Variants in SULT1B1 observed in about 807,000 individuals in gnomAD.
SULT1B1 encodes sulfotransferase 1B1.
In SULT1B1, 28 loss-of-function variants were observed where a neutral mutation model predicts 34.6. That is an observed-to-expected ratio of 0.81 (90% confidence interval 0.60 to 1.11). The LOEUF (loss-of-function observed/expected upper bound fraction) is 1.11, where lower values mean the gene tolerates loss of function less well. Ranked by LOEUF, SULT1B1 falls within the 50% of genes least tolerant of loss-of-function variation. The probability of loss-of-function intolerance (pLI) is 0.00; values close to 1 mark genes in which losing one functional copy is unlikely to be tolerated. For missense variants in SULT1B1, 374 were observed against 352.2 expected, an observed-to-expected ratio of 1.06 and a Z score of -0.50; for synonymous variants, 147 against 110.2, an observed-to-expected ratio of 1.33 and a Z score of -2.09.
intron 6 of SULT1B1, among the ~76,000 whole-genome samples, chr4:69,731,787 A>T (rs1424874783): frequency 6.6e-6 from 1 of 152,228 alleles, no homozygotes; most frequent in South Asian, 2.1e-4. Flanking sequence ...AACCGGTTAG[A>T]CTATAAATCA....
At chr4:69,741,264 G>A (rs1718539589) in intron 4 of SULT1B1, among the ~76,000 whole-genome samples, 1 of 152,178 alleles carries the variant, frequency 6.6e-6, no homozygotes, top group Non-Finnish European at 1.5e-5. Flanking sequence ...TTTTGTACCA[G>A]TACCATGCTG....
At chr4:69,744,552 C>A (rs759774320) in intron 4 of SULT1B1, among the ~76,000 whole-genome samples, 3 of 152,214 alleles carry the variant, frequency 2.0e-5, no homozygotes, top group Non-Finnish European at 2.9e-5. Flanking sequence ...GCAGTCTCTG[C>A]AGGTTCCTTG....
intron 4 of SULT1B1, among the ~76,000 whole-genome samples, chr4:69,747,209 G>A (rs1718784382): frequency 1.3e-5 from 2 of 152,224 alleles, no homozygotes; most frequent in South Asian, 4.1e-4. Flanking sequence ...AGGCACTTAT[G>A]TAGCGATGGA....
chr4:69,748,035 C>T (rs2110027896), intron 4 of SULT1B1, among the ~76,000 whole-genome samples: 1 of 152,138 alleles, frequency 6.6e-6, no homozygotes, highest in Non-Finnish European at 1.5e-5. Flanking sequence ...TTGGCTCTAT[C>T]CCATAACTAC....
intron 4 of SULT1B1, among the ~76,000 whole-genome samples, chr4:69,739,697 C>A (rs982377168): frequency 3.3e-5 from 5 of 152,212 alleles, no homozygotes; most frequent in African/African-American, 7.2e-5. Flanking sequence ...ATGCAAATTT[C>A]TGCAGTCAAC....
In SULT1B1 at chr4:69,725,630, A is replaced by G. The variant is rs1717803562; in HGVS notation, c.*1458T>C. ...AGACTTGGAACCAACCCAAATGTCC[A>G]TCAATGATAGACTGGATTAAGAAAA... is the stretch of plus-strand genomic sequence containing the variant. On this transcript the variant is annotated 3_prime_UTR_variant, in exon 8 of 8. Transcript: ENST00000310613. 6.6e-6 allele frequency: 1 copy of G among 152,202 alleles called. No homozygotes were observed. The highest frequency in any genetic ancestry group is 6.5e-5 in the Admixed American group (1 of 15,274). 9.4% of individuals were successfully genotyped at this position (152,202 alleles called of 1,614,324 possible).
chr4:69,728,407 A>G (rs1377088192), intron 7 of SULT1B1, among the ~76,000 whole-genome samples: 2 of 152,068 alleles, frequency 1.3e-5, no homozygotes, highest in Non-Finnish European at 2.9e-5. Flanking sequence ...CTAATATGGC[A>G]TCTTTCAAGA....
intron 4 of SULT1B1, among the ~76,000 whole-genome samples, chr4:69,737,348 G>A (rs1027894704): frequency 6.6e-6 from 1 of 151,958 alleles, no homozygotes; most frequent in Non-Finnish European, 1.5e-5. Flanking sequence ...AATAGCTAAG[G>A]GAAGTTCTCC....
chr4:69,727,322 A>G (rs1453072289), intron 7 of SULT1B1, 122 bp from the exon 8 acceptor site: 1 of 600,460 alleles, frequency 1.7e-6, no homozygotes, highest in Non-Finnish European at 2.6e-6. Context: ...GAATGAATTC[A>G]AACAGTCTTT....
chr4:69,747,144 G>A (rs376712123), intron 4 of SULT1B1, among the ~76,000 whole-genome samples: 5 of 152,264 alleles, frequency 3.3e-5, no homozygotes, highest in African/African-American at 9.6e-5. Flanking sequence ...GTGCTTCAGC[G>A]GAGCATTGGA....
intron 4 of SULT1B1, among the ~76,000 whole-genome samples, chr4:69,734,652 A>T (rs866512025): frequency 6.6e-6 from 1 of 152,204 alleles, no homozygotes; most frequent in South Asian, 2.1e-4. Flanking sequence ...TGGGAAAAAA[A>T]TAAAAGTTTT....
chr4:69,736,941 G>C (rs1451311660), intron 4 of SULT1B1, among the ~76,000 whole-genome samples: 1 of 151,806 alleles, frequency 6.6e-6, no homozygotes, highest in Non-Finnish European at 1.5e-5. Flanking sequence ...ACAGTATTTG[G>C]AGAATTGGTG....
In SULT1B1 at chr4:69,721,657, C is replaced by A. The variant is rs1717671388; in HGVS notation, c.*5431G>T. On this transcript the variant is annotated 3_prime_UTR_variant, in exon 8 of 8. Coordinates refer to ENST00000310613, the MANE Select transcript of SULT1B1 (RefSeq NM_014465.4). ...GATAGAAAATAATTTAGGAAGATAA[C>A]ACAATAGAATAGGGTGGATTGAAAG... 1 of 151,986 alleles carries A rather than the reference C, an allele frequency of 6.6e-6. No individual in the cohort carries two copies. Among genetic ancestry groups the A allele is most frequent in the African/African-American group, 2.4e-5 (1 of 41,402 alleles). 9.4% of individuals were successfully genotyped at this position (151,986 alleles called of 1,614,324 possible).
chr4:69,726,081 T>A lies in SULT1B1; in HGVS notation c.*1007A>T, dbSNP rs1357544912. 3.8e-5 allele frequency: 4 copies of A among 105,516 alleles called. No homozygotes were observed. The highest frequency in any genetic ancestry group is 2.9e-4 in the East Asian group (1 of 3,506). 6.5% of individuals were successfully genotyped at this position (105,516 alleles called of 1,614,324 possible). A position where few individuals can be genotyped will look rare whatever the true frequency, so the allele number is the denominator to read the frequency against. On this transcript the variant is annotated 3_prime_UTR_variant, in exon 8 of 8. Coordinates refer to ENST00000310613, the MANE Select transcript of SULT1B1 (RefSeq NM_014465.4). ...ATATATATATATATATATATATATA[T>A]AAATGTTCCAAGAAAACATAGATCA...
chr4:69,759,424 G>A (rs1447419227), intron 1 of SULT1B1, among the ~76,000 whole-genome samples: 1 of 152,194 alleles, frequency 6.6e-6, no homozygotes, highest in Non-Finnish European at 1.5e-5. Flanking sequence ...TGACAAAAAG[G>A]TCAGGCACTT....
intron 5 of SULT1B1, among the ~76,000 whole-genome samples, chr4:69,733,902 C>T (rs538684845): frequency 9.9e-5 from 15 of 152,232 alleles, no homozygotes; most frequent in African/African-American, 3.6e-4. Context: ...TAATGGACTT[C>T]TAGCAACTGA....
intron 4 of SULT1B1, among the ~76,000 whole-genome samples, chr4:69,734,657 A>C (rs76085895): frequency 6.6e-6 from 1 of 152,076 alleles, no homozygotes; most frequent in African/African-American, 2.4e-5. Context: ...AAAAAATAAA[A>C]GTTTTCACTT....
Position 69,733,410 on chromosome 4 carries a change from TA to T in SULT1B1, c.597+2del. On this transcript the variant is annotated splice_donor_variant, in intron 6 of 7. Transcript: ENST00000310613. LOFTEE classifies it high-confidence loss of function. ...TATCCAGAATCCATATCTACCATTTTACCTCTTTCATATCTTCATAGTACAA... is the reference window on the plus strand; with the variant it reads ...TATCCAGAATCCATATCTACCATTTTCCTCTTTCATATCTTCATAGTACAA... 6.3e-7 allele frequency: 1 copy of T among 1,581,764 alleles called. No individual in the cohort carries two copies.
At chr4:69,730,387 G>A (rs570977562) in intron 7 of SULT1B1, 114 bp downstream of exon 7, 1 of 872,696 alleles carries the variant, frequency 1.1e-6, no homozygotes, top group Non-Finnish European at 1.7e-6. Flanking sequence ...GTAGGTATTT[G>A]CTATAAAGCT....
Sources: allele counts gnomAD v4.1 joint callset (sites outside exome capture counted in the v4.1 genomes callset), GRCh38; gene constraint gnomAD v4.1.1; transcripts MANE v1.5; gene names NCBI Gene and HGNC (gene_info 2026-07-23, HGNC 2026-07-21).